GRM7: variants seen among roughly 807,000 people sequenced by gnomAD.
GRM7 encodes glutamate metabotropic receptor 7.
GRM7 carries 35 observed loss-of-function variants against 84.5 expected under a neutral mutation model. That is an observed-to-expected ratio of 0.41 (90% CI 0.32 to 0.55). The LOEUF (loss-of-function observed/expected upper bound fraction) is 0.55. Ranked by LOEUF, GRM7 falls within the 20% of genes least tolerant of loss-of-function variation. GRM7 has a pLI of 0.19. For synonymous variants in GRM7, 487 were observed against 455.1 expected (o/e 1.07, Z -0.89); for missense variants, 1,003 against 1,194.6 (o/e 0.84, Z 2.36).
intron 1 of GRM7, among the ~76,000 whole-genome samples, chr3:7,001,277 A>G (rs1243422583): frequency 1.3e-5 from 2 of 152,090 alleles, no homozygotes; most frequent in Non-Finnish European, 2.9e-5. Flanking sequence ...TTGAGCCTGG[A>G]AGGTTGAGGC....
chr3:7,497,577 G>A (rs954594667), intron 7 of GRM7, among the ~76,000 whole-genome samples: 14 of 152,136 alleles, frequency 9.2e-5, no homozygotes, highest in African/African-American at 3.4e-4. Flanking sequence ...TGCAAAGAAT[G>A]TCTGCATGTT....
In GRM7 at chr3:6,861,446, G is replaced by A. The variant is rs748112708; in HGVS notation, c.58G>A (p.Val20Met). ...GACTTTGATGAAGTTCCCCTGCTGC[G>A]TGCTGGAGGTGCTCCTGTGCGCGCT... is the stretch of plus-strand genomic sequence containing the variant. ...VLTLMKFPCC[V>M]LEVLLCALAA... is the part of the protein sequence containing the mutation. Residue 20 changes from valine (V) to methionine (M), a missense_variant, in exon 1 of 10, where the codon GTG (valine) becomes ATG (methionine). This residue lies in a region of GRM7 where 93 missense variants were observed against 68.6 expected (regional missense o/e 1.36). Transcript: ENST00000357716. This position sits in a 1 kb window ranked among gnomAD's most constrained non-coding sequence, Gnocchi z 6.4. 5 of 1,602,184 alleles carry A rather than the reference G, an allele frequency of 3.1e-6. No homozygotes were observed. In the African/African-American group the frequency reaches 4.0e-5, roughly 13 times the overall value.
chr3:6,933,628 A>G (rs1213950809), intron 1 of GRM7, among the ~76,000 whole-genome samples: 1 of 152,178 alleles, frequency 6.6e-6, no homozygotes, highest in Non-Finnish European at 1.5e-5. Flanking sequence ...TGCAAGATCA[A>G]ATCAGAACTT....
chr3:6,954,928 T>G (rs1692961466), intron 1 of GRM7, among the ~76,000 whole-genome samples: 1 of 152,226 alleles, frequency 6.6e-6, no homozygotes, highest in South Asian at 2.1e-4. Flanking sequence ...TTTGTTGCTT[T>G]TAACTGCTGA....
chr3:6,937,353 A>G (rs1697728901), intron 1 of GRM7, among the ~76,000 whole-genome samples: 1 of 152,216 alleles, frequency 6.6e-6, no homozygotes, highest in African/African-American at 2.4e-5. Flanking sequence ...AAGAAAACAA[A>G]TTGTTAACCT....
chr3:6,949,994 G>C (rs339026), intron 1 of GRM7, among the ~76,000 whole-genome samples: 31,399 of 151,968 alleles, frequency 0.21, 3,468 homozygotes, highest in East Asian at 0.34. Context: ...CTTTGCCGTT[G>C]GTTCGAACTT....
At chr3:7,185,555 G>T (rs567137014) in intron 2 of GRM7, among the ~76,000 whole-genome samples, 1 of 152,130 alleles carries the variant, frequency 6.6e-6, no homozygotes, top group Non-Finnish European at 1.5e-5. Flanking sequence ...AACCAATGAT[G>T]GTGAGCCTAT....
At chr3:7,084,173 C>T (rs144450694) in intron 1 of GRM7, among the ~76,000 whole-genome samples, 1,542 of 152,066 alleles carry the variant, frequency 0.01, 63 homozygotes, top group Admixed American at 0.081. Context: ...TCCAAGGGAG[C>T]GAGGGCTGAA....
Position 7,098,159 on chromosome 3 carries a change from G to C in GRM7, c.520-48293G>C, listed in dbSNP as rs542449335. Among the ~76,000 whole-genome samples the C allele has an allele frequency of 7.2e-5, 11 of 152,064 alleles. No individual in the cohort carries two copies. In the East Asian group the frequency reaches 1.9e-3, roughly 27 times the overall value. On this transcript the variant is annotated intron_variant, in intron 1 of 9. Transcript: ENST00000357716. Reference sequence around the variant, plus strand: ...CTAGTAACAGCTGTTTCTGTCTTCTGATCATTCAACTTTGTGTGTTATGAA... The same window carrying C: ...CTAGTAACAGCTGTTTCTGTCTTCTCATCATTCAACTTTGTGTGTTATGAA...
At chr3:7,675,032 C>T (rs567112676) in intron 8 of GRM7, among the ~76,000 whole-genome samples, 6 of 152,086 alleles carry the variant, frequency 3.9e-5, no homozygotes, top group South Asian at 2.1e-4. Flanking sequence ...ACGAAATAGC[C>T]GCATAACACT....
intron 4 of GRM7, among the ~76,000 whole-genome samples, chr3:7,309,350 T>C (rs1261804188): frequency 6.6e-6 from 1 of 152,200 alleles, no homozygotes; most frequent in Non-Finnish European, 1.5e-5. Context: ...TGTGGGCAAG[T>C]AAGTTTTCCT....
intron 1 of GRM7, among the ~76,000 whole-genome samples, chr3:6,985,550 G>GT (rs1694377527): frequency 6.6e-6 from 1 of 152,166 alleles, no homozygotes; most frequent in Non-Finnish European, 1.5e-5. Context: ...AGGCTTGCAG[G>GT]TATGCCTGAT....
chr3:7,232,863 A>G (rs1435907965), intron 2 of GRM7, among the ~76,000 whole-genome samples: 1 of 152,174 alleles, frequency 6.6e-6, no homozygotes, highest in African/African-American at 2.4e-5. Context: ...CTACTAACAT[A>G]GTCTTCTTAG....
intron 4 of GRM7, among the ~76,000 whole-genome samples, chr3:7,410,066 C>T (rs183842668): frequency 5.2e-4 from 79 of 152,254 alleles, no homozygotes; most frequent in African/African-American, 1.7e-3. Context: ...CAACCACATA[C>T]AGCTCAAAAA....
At chr3:7,155,879 AGT>A (rs1694432685) in intron 2 of GRM7, among the ~76,000 whole-genome samples, 1 of 152,158 alleles carries the variant, frequency 6.6e-6, no homozygotes, top group Non-Finnish European at 1.5e-5. Context: ...CGTAGCTCCA[AGT>A]TTGTCTATTT....
chr3:7,040,310 T>C (rs1190319908), intron 1 of GRM7, among the ~76,000 whole-genome samples: 2 of 149,368 alleles, frequency 1.3e-5, no homozygotes, highest in East Asian at 3.9e-4. Context: ...TGTAAACTCT[T>C]TTTTTTTTTG....
intron 4 of GRM7, among the ~76,000 whole-genome samples, chr3:7,361,126 C>T (rs2125105245): frequency 6.6e-6 from 1 of 152,168 alleles, no homozygotes; most frequent in South Asian, 2.1e-4. Context: ...GTTTGTGTTT[C>T]TTTTCTTATT....
intron 2 of GRM7, among the ~76,000 whole-genome samples, chr3:7,281,630 T>C (rs1418375886): frequency 6.6e-6 from 1 of 152,198 alleles, no homozygotes; most frequent in Non-Finnish European, 1.5e-5. Flanking sequence ...TAAATAAACA[T>C]CAACAGTGAT....
chr3:7,550,069 G>A (rs1693375513), intron 7 of GRM7, among the ~76,000 whole-genome samples: 1 of 151,676 alleles, frequency 6.6e-6, no homozygotes, highest in South Asian at 2.1e-4. Context: ...AAAGTATAGT[G>A]TAATATAGTT....
Sources: allele counts gnomAD v4.1 joint callset (sites outside exome capture counted in the v4.1 genomes callset), GRCh38; gene constraint gnomAD v4.1.1; regional missense constraint gnomAD v4.1.1; non-coding constraint Gnocchi (gnomAD v3.1); transcripts MANE v1.5; gene names NCBI Gene and HGNC (gene_info 2026-07-23, HGNC 2026-07-21).